Variants in SINHCAF observed in about 807,000 individuals in gnomAD.
SINHCAF encodes SIN3-HDAC complex-associated factor.
Under a neutral mutation model 25.8 loss-of-function variants are expected in SINHCAF, and 3 were observed. The ratio of observed to expected loss-of-function variants is 0.12; its 90% CI spans 0.05 to 0.30. The LOEUF is 0.30. Among genes scored for constraint, SINHCAF ranks in the 10% least tolerant of loss-of-function variants. SINHCAF has a pLI of 1.00. For missense variants in SINHCAF, 121 were observed against 262.3 expected (o/e 0.46, Z 3.72); for synonymous variants, 70 against 85.5 (o/e 0.82, Z 1.00).
chr12:31,294,500 G>A (rs1377157918), intron 3 of SINHCAF, among the ~76,000 whole-genome samples: 1 of 152,128 alleles, frequency 6.6e-6, no homozygotes, highest in Non-Finnish European at 1.5e-5. Flanking sequence ...TAATCTCTGA[G>A]GTGAGTTACA....
chr12:31,298,360 A>T, intron 1 of SINHCAF, 136 bp from the exon 2 acceptor site: 1 of 912,012 alleles, frequency 1.1e-6, no homozygotes, highest in South Asian at 1.4e-5. Flanking sequence ...TCAAGGGAAG[A>T]CCTCCTGGAT....
intron 1 of SINHCAF, among the ~76,000 whole-genome samples, chr12:31,318,992 G>C (rs1592992150): frequency 6.6e-6 from 1 of 152,104 alleles, no homozygotes; most frequent in East Asian, 1.9e-4. Context: ...TTTAACTGAA[G>C]GTAAAATTCT....
chr12:31,283,901 A>T (rs1937923631), intron 5 of SINHCAF, among the ~76,000 whole-genome samples: 1 of 134,124 alleles, frequency 7.5e-6, no homozygotes, highest in African/African-American at 2.6e-5. Context: ...CAGAATCACA[A>T]TGTATTCTGC....
chr12:31,310,168 T>C (rs1592982110), intron 1 of SINHCAF, among the ~76,000 whole-genome samples: 1 of 152,184 alleles, frequency 6.6e-6, no homozygotes, highest in Admixed American at 6.6e-5. Context: ...TTCACAGCCC[T>C]TGGGAGGAAG....
intron 5 of SINHCAF, among the ~76,000 whole-genome samples, chr12:31,285,399 A>G (rs1307956534): frequency 1.6e-5 from 2 of 128,738 alleles, no homozygotes; most frequent in African/African-American, 3.1e-5. Flanking sequence ...CAACATAGAC[A>G]TATATTTATA....
intron 1 of SINHCAF, among the ~76,000 whole-genome samples, chr12:31,301,007 C>T (rs1288568281): frequency 6.6e-6 from 1 of 152,174 alleles, no homozygotes; most frequent in Non-Finnish European, 1.5e-5. Flanking sequence ...CATCTCTTTC[C>T]CTTCCCCCAA....
At position 31,293,871 on chromosome 12, in the gene SINHCAF, T is replaced by C. The variant is rs930418994; in HGVS notation, c.289A>G (p.Thr97Ala). ...CTTTTTATCCTGTTCCCAGATAGAG[T>C]TTTCACTTTCTTTGGTTTCAATGTA... ...KTTLKPKKVKTLSGNRIKSNQ... is the reference protein window; with the variant it reads ...KTTLKPKKVKALSGNRIKSNQ... Residue 97 changes from threonine to alanine, a missense_variant, in exon 4 of 6, where the codon ACT becomes GCT. Thr to Ala is a moderately conservative substitution (Grantham distance 58). Coordinates refer to ENST00000337682, the MANE Select transcript of SINHCAF (RefSeq NM_001135812.2). 2.5e-6 allele frequency: 4 copies of C among 1,613,302 alleles called. No homozygotes were observed.
At chr12:31,288,690 G>T (rs1370632853) in intron 4 of SINHCAF, among the ~76,000 whole-genome samples, 1 of 152,130 alleles carries the variant, frequency 6.6e-6, no homozygotes, top group African/African-American at 2.4e-5. Context: ...TGTCAAAAAA[G>T]CCAGTTAAAA....
rs915198115 is a variant in SINHCAF at position 31,294,659 on chromosome 12, A to T, written c.228+575T>A. On this transcript the variant is annotated intron_variant, in intron 3 of 5. Coordinates refer to ENST00000337682, the MANE Select transcript of SINHCAF (RefSeq NM_001135812.2). ...GGTTGTTATCATCTTCAAAATCATG[A>T]CCTATTATAATAACATAACACTGTC... Among the ~76,000 whole-genome samples the T allele has an allele frequency of 7.9e-5, 12 of 152,196 alleles. No homozygotes were observed. The East Asian group carries it at 1.3e-3, about 17-fold the overall frequency.
intron 1 of SINHCAF, among the ~76,000 whole-genome samples, chr12:31,315,442 A>G (rs907562776): frequency 6.6e-6 from 1 of 152,260 alleles, no homozygotes; most frequent in Non-Finnish European, 1.5e-5. Context: ...TTAATTATGC[A>G]TATGTCCAAA....
chr12:31,293,591 T>C (rs1162998732), intron 4 of SINHCAF, among the ~76,000 whole-genome samples: 1 of 152,166 alleles, frequency 6.6e-6, no homozygotes, highest in East Asian at 1.9e-4. Context: ...CTGAAGTGGT[T>C]AGCTAGTAGA....
In SINHCAF at chr12:31,282,105, T is replaced by C. The variant is rs1937827211; in HGVS notation, c.*607A>G. 1 of 152,290 alleles carries C rather than the reference T, an allele frequency of 6.6e-6. No individual in the cohort carries two copies. The highest frequency in any genetic ancestry group is 6.6e-5 in the Admixed American group (1 of 15,228). 9.4% of individuals were successfully genotyped at this position (152,290 alleles called of 1,614,324 possible). ...TTAAAAATGCCCCAACCACTGCTTC[T>C]CAAAACAGAAAGACTAAAAACTACA... On this transcript the variant is annotated 3_prime_UTR_variant, in exon 6 of 6. Transcript: ENST00000337682.
At chr12:31,297,049 A>T (rs1394373942) in intron 2 of SINHCAF, 3 of 422,844 alleles carry the variant, frequency 7.1e-6, no homozygotes. Flanking sequence ...TTGTCTCTTT[A>T]AAAAAGAAAA....
rs552990087 is a variant in SINHCAF, at chr12:31,302,736, T to G, written c.-20-4512A>C. Among the ~76,000 whole-genome samples, 5 of 152,108 alleles carry G rather than the reference T, an allele frequency of 3.3e-5. No individual in the cohort carries two copies. In the South Asian group the frequency reaches 8.3e-4, roughly 25 times the overall value. ...GATGTTACACATAAGGTAAAGTAAG[T>G]ATGTGGCTGAGCGGGTAGGAGAGAA... On this transcript the variant is annotated intron_variant, in intron 1 of 5. Transcript: ENST00000337682.
chr12:31,289,235 T>C (rs905920538), intron 4 of SINHCAF, among the ~76,000 whole-genome samples: 2 of 151,824 alleles, frequency 1.3e-5, no homozygotes, highest in African/African-American at 4.8e-5. Context: ...AGAATAGAGG[T>C]GAAAAAGTAC....
intron 1 of SINHCAF, among the ~76,000 whole-genome samples, chr12:31,313,024 A>G (rs1356411547): frequency 2.6e-5 from 4 of 151,268 alleles, no homozygotes; most frequent in Admixed American, 2.0e-4. Context: ...TGAAAAGATC[A>G]CTCTTTTCTT....
At chr12:31,301,736 T>A (rs1288106852) in intron 1 of SINHCAF, among the ~76,000 whole-genome samples, 1 of 151,192 alleles carries the variant, frequency 6.6e-6, no homozygotes, top group East Asian at 1.9e-4. Flanking sequence ...TACAAACCCA[T>A]GAAATGTTTA....
chr12:31,292,050 A>T (rs1938351827), intron 4 of SINHCAF, among the ~76,000 whole-genome samples: 1 of 152,258 alleles, frequency 6.6e-6, no homozygotes, highest in African/African-American at 2.4e-5. Context: ...CATAATAAAA[A>T]TCTAAAATTA....
At chr12:31,308,188 C>G (rs1361650297) in intron 1 of SINHCAF, among the ~76,000 whole-genome samples, 1 of 152,200 alleles carries the variant, frequency 6.6e-6, no homozygotes, top group Non-Finnish European at 1.5e-5. Flanking sequence ...TATCTGCCCA[C>G]CTCAGCTTCT....
Sources: allele counts gnomAD v4.1 joint callset (sites outside exome capture counted in the v4.1 genomes callset), GRCh38; gene constraint gnomAD v4.1.1; transcripts MANE v1.5; gene names NCBI Gene and HGNC (gene_info 2026-07-23, HGNC 2026-07-21).